PRDM1: variants seen among roughly 807,000 people sequenced by gnomAD.
The protein encoded by PRDM1 is PR domain zinc finger protein 1.
Under a neutral mutation model 62.8 loss-of-function variants are expected in PRDM1, and 13 were observed. The ratio of observed to expected loss-of-function variants is 0.21; its 90% CI spans 0.13 to 0.33. The LOEUF (loss-of-function observed/expected upper bound fraction) is 0.33. Among genes scored for constraint, PRDM1 ranks in the 10% least tolerant of loss-of-function variants. The probability of loss-of-function intolerance (pLI) is 1.00; values close to 1 mark genes in which losing one functional copy is unlikely to be tolerated. For missense variants in PRDM1, 895 were observed against 1,058.8 expected, an observed-to-expected ratio of 0.85 and a Z score of 2.15; for synonymous variants, 396 against 417.6, an observed-to-expected ratio of 0.95 and a Z score of 0.63.
Position 106,099,358 on chromosome 6 carries a change from A to G in PRDM1, c.470A>G (p.Asn157Ser). Reference sequence around the variant, plus strand: ...GACGGCTTTAATGAAGAGAAAAGCAACTGGATGCGCTATGTGAATCCAGCA... The same window carrying G: ...GACGGCTTTAATGAAGAGAAAAGCAGCTGGATGCGCTATGTGAATCCAGCA... The part of the protein sequence containing the change: ...FIDGFNEEKS[N>S]WMRYVNPAHS... Residue 157 changes from asparagine (N) to serine (S), a missense_variant, in exon 4 of 7, where the codon AAC (asparagine) becomes AGC (serine). Transcript: ENST00000369096. 2 of 1,614,172 alleles carry G rather than the reference A, an allele frequency of 1.2e-6. No homozygotes were observed. The highest frequency in any genetic ancestry group is 1.7e-6 in the Non-Finnish European group (2 of 1,180,014).
chr6:106,072,454 C>T (rs541548451), intron 1 of PRDM1, among the ~76,000 whole-genome samples: 32 of 152,302 alleles, frequency 2.1e-4, no homozygotes, highest in African/African-American at 7.5e-4. Flanking sequence ...TCTCATATTC[C>T]CCAAGCACAA....
intron 1 of PRDM1, among the ~76,000 whole-genome samples, chr6:106,075,518 T>A (rs1018400005): frequency 6.6e-6 from 1 of 152,212 alleles, no homozygotes; most frequent in Non-Finnish European, 1.5e-5. Context: ...GTATTAACCA[T>A]AAAATGTCCT....
chr6:106,009,781 G>A (rs996095704), intron 1 of PRDM1, among the ~76,000 whole-genome samples: 6 of 152,092 alleles, frequency 3.9e-5, no homozygotes, highest in African/African-American at 1.4e-4. Flanking sequence ...GCAGTGGCAT[G>A]ATCTCAGCTC....
chr6:106,091,304 C>T (rs996855275), intron 2 of PRDM1, among the ~76,000 whole-genome samples: 1 of 152,118 alleles, frequency 6.6e-6, no homozygotes, highest in Non-Finnish European at 1.5e-5. Flanking sequence ...CCATTCTGAT[C>T]GAAATCCATT....
rs142919307 is a variant in PRDM1 at position 106,105,177 on chromosome 6, A to G, written c.1017A>G (p.Ala339=). 181 of 1,613,304 alleles carry G rather than the reference A, an allele frequency of 1.1e-4. No homozygotes were observed. The African/African-American group carries it at 1.8e-3, about 16-fold the overall frequency. The change falls in exon 5 of 7, where the codon GCA becomes GCG. Residue 339 remains alanine (A), a synonymous_variant. Transcript: ENST00000369096. ...CCTCCACCACTCCAAGCCCCTCTGC[A>G]AGAAGCAGCCCCGACCAAAGCCTCA... The part of the protein sequence containing the change: ...IPSSTTPSPS[A]RSSPDQSLKS...
At chr6:106,016,510 T>C (rs914304918) in intron 1 of PRDM1, among the ~76,000 whole-genome samples, 1 of 152,178 alleles carries the variant, frequency 6.6e-6, no homozygotes, top group African/African-American at 2.4e-5. Context: ...AATAAATGTC[T>C]GTCAAATGAC....
At chr6:106,104,441 C>A (rs1375107386) in intron 4 of PRDM1, among the ~76,000 whole-genome samples, 5 of 152,152 alleles carry the variant, frequency 3.3e-5, no homozygotes, top group African/African-American at 7.2e-5. Flanking sequence ...GAACTTCCGA[C>A]CTCAGGTGAT....
chr6:106,038,945 C>T (rs995615402), intron 1 of PRDM1, among the ~76,000 whole-genome samples: 2 of 152,144 alleles, frequency 1.3e-5, no homozygotes, highest in African/African-American at 4.8e-5. Context: ...ATCCTCTCTC[C>T]CAACTGCCAT....
chr6:106,055,440 G>T (rs943633862), intron 1 of PRDM1, among the ~76,000 whole-genome samples: 2 of 152,142 alleles, frequency 1.3e-5, no homozygotes, highest in Non-Finnish European at 2.9e-5. Context: ...ATAACTAGTT[G>T]TCTTTACATC....
intron 1 of PRDM1, among the ~76,000 whole-genome samples, chr6:106,070,106 A>G (rs1773487094): frequency 6.6e-6 from 1 of 152,146 alleles, no homozygotes; most frequent in Non-Finnish European, 1.5e-5. Context: ...CATTTGGTCA[A>G]ATGAGAGACC....
At position 106,107,409 on chromosome 6, in the gene PRDM1, A is replaced by C; in HGVS notation, c.2401A>C (p.Lys801Gln). Residue 801 changes from lysine (K) to glutamine (Q), a missense_variant, in exon 7 of 7, where the codon AAG (lysine) becomes CAG (glutamine). Around this residue, in one of 4 missense-constraint regions of PRDM1, gnomAD observed 164 missense variants for 179.9 expected, o/e 0.91. Coordinates refer to ENST00000369096, the MANE Select transcript of PRDM1 (RefSeq NM_001198.4). ...LYESSDLPLMKLPPSNPLPLV... is the reference protein window; with the variant it reads ...LYESSDLPLMQLPPSNPLPLV... ...TGAGTCATCAGATCTACCCCTCATG[A>C]AGTTGCCTCCCAGCAACCCACTACC... 6.2e-7 allele frequency: 1 copy of C among 1,614,128 alleles called. No individual in the cohort carries two copies. The highest frequency in any genetic ancestry group is 8.5e-7 in the Non-Finnish European group (1 of 1,180,016).
At chr6:106,099,122 T>C in intron 3 of PRDM1, 178 bp from the exon 4 acceptor site, 1 of 1,612,798 alleles carries the variant, frequency 6.2e-7, no homozygotes, top group Non-Finnish European at 8.5e-7. Flanking sequence ...GCCTTACCTG[T>C]TTCCGCCCTG....
At position 106,109,346 on chromosome 6, in the gene PRDM1, A is replaced by G. The variant is rs960461559; in HGVS notation, c.*1860A>G. 1 of 233,112 alleles carries G rather than the reference A, an allele frequency of 4.3e-6. No homozygotes were observed. The highest frequency in any genetic ancestry group is 5.6e-5 in the Admixed American group (1 of 17,788). 14.4% of individuals were successfully genotyped at this position (233,112 alleles called of 1,614,324 possible). A position where few individuals can be genotyped will look rare whatever the true frequency, so the allele number is the denominator to read the frequency against. On this transcript the variant is annotated 3_prime_UTR_variant, in exon 7 of 7. Coordinates refer to ENST00000369096, the MANE Select transcript of PRDM1 (RefSeq NM_001198.4). ...ATGTGGTCACACCCAAGTCACAGAA[A>G]TAAAAAACTGACTTTACCGCTGCAA...
rs1774537390 is a variant in PRDM1 at position 106,107,628 on chromosome 6, A to G, written c.*142A>G. 1.6e-6 allele frequency: 1 copy of G among 608,482 alleles called. No individual in the cohort carries two copies. Among genetic ancestry groups the G allele is most frequent in the Non-Finnish European group, 2.6e-6 (1 of 387,234 alleles). The allele number at this position is 608,482 out of a possible 1,614,324, so 37.7% of individuals were successfully genotyped here. ...TTTCCCCTCACCTCTGGAATTAAAG[A>G]AGGAACTCCAAAGTTACTGAAATCT... On this transcript the variant is annotated 3_prime_UTR_variant, in exon 7 of 7. Coordinates refer to ENST00000369096, the MANE Select transcript of PRDM1 (RefSeq NM_001198.4).
At chr6:106,043,270 G>A (rs982814488) in intron 1 of PRDM1, among the ~76,000 whole-genome samples, 2 of 152,098 alleles carry the variant, frequency 1.3e-5, no homozygotes, top group Non-Finnish European at 2.9e-5. Flanking sequence ...GCCATAATTG[G>A]TATTTATTTT....
At chr6:106,085,279 A>T (rs1042930109), upstream of PRDM1, among the ~76,000 whole-genome samples, 4 of 152,192 alleles carry the variant, frequency 2.6e-5, no homozygotes, top group Non-Finnish European at 5.9e-5. Context: ...AATGATTTTA[A>T]AAAAACCTAC....
In PRDM1 at chr6:106,107,395, A is replaced by C. The variant is rs1365737017; in HGVS notation, c.2387A>C (p.Asp796Ala). 1.2e-6 allele frequency: 2 copies of C among 1,614,162 alleles called. No individual in the cohort carries two copies. The highest frequency in any genetic ancestry group is 1.7e-6 in the Non-Finnish European group (2 of 1,180,020). Reference sequence around the variant, plus strand: ...GGGTGCAGCCTTTATGAGTCATCAGATCTACCCCTCATGAAGTTGCCTCCC... The same window carrying C: ...GGGTGCAGCCTTTATGAGTCATCAGCTCTACCCCTCATGAAGTTGCCTCCC... Reference protein sequence around the residue: ...SSGCSLYESSDLPLMKLPPSN... With the variant: ...SSGCSLYESSALPLMKLPPSN... The change falls in exon 7 of 7, where the codon GAT becomes GCT. Residue 796 changes from aspartate (D) to alanine (A), a missense_variant. By Grantham distance (126) the Asp-to-Ala change is moderately radical (BLOSUM62 -2). Coordinates refer to ENST00000369096, the MANE Select transcript of PRDM1 (RefSeq NM_001198.4).
intron 1 of PRDM1, among the ~76,000 whole-genome samples, chr6:106,033,787 TA>T (rs1200350310): frequency 1.5e-3 from 232 of 152,116 alleles, no homozygotes; most frequent in African/African-American, 5.4e-3. Flanking sequence ...CTTTTCTCTT[TA>T]TTTTTTTTTT....
intron 1 of PRDM1, among the ~76,000 whole-genome samples, chr6:106,019,193 G>A (rs1772661455): frequency 7.8e-6 from 1 of 128,604 alleles, no homozygotes; most frequent in South Asian, 2.5e-4. Flanking sequence ...TTCAACCTGG[G>A]AGGTGGAGGT....
Sources: allele counts gnomAD v4.1 joint callset (sites outside exome capture counted in the v4.1 genomes callset), GRCh38; gene constraint gnomAD v4.1.1; regional missense constraint gnomAD v4.1.1; transcripts MANE v1.5; gene names NCBI Gene and HGNC (gene_info 2026-07-23, HGNC 2026-07-21).